Variants in DCAKD observed in about 807,000 individuals in gnomAD.
DCAKD encodes dephospho-CoA kinase domain-containing protein.
DCAKD carries 15 observed loss-of-function variants against 18.7 expected under a neutral mutation model. That is an observed-to-expected ratio of 0.80 (90% confidence interval 0.54 to 1.24). The LOEUF is 1.24. Ranked by LOEUF, DCAKD falls within the 50% of genes most tolerant of loss-of-function variation. The pLI is 0.00. For synonymous variants in DCAKD, 130 were observed against 133.0 expected, an observed-to-expected ratio of 0.98 and a Z score of 0.16; for missense variants, 301 against 322.0, an observed-to-expected ratio of 0.93 and a Z score of 0.50.
At chr17:45,044,426 T>C (rs1002204799) in intron 1 of DCAKD, among the ~76,000 whole-genome samples, 4 of 152,210 alleles carry the variant, frequency 2.6e-5, no homozygotes, top group African/African-American at 9.7e-5. Flanking sequence ...GTGCGGTGGC[T>C]GACGCCTGTA....
At chr17:45,056,430 A>G (rs1469610688), upstream of DCAKD, among the ~76,000 whole-genome samples, 4 of 152,058 alleles carry the variant, frequency 2.6e-5, no homozygotes, top group Admixed American at 2.6e-4. Flanking sequence ...CAGAGCCAGG[A>G]TTTAGAACCC....
At position 45,033,723 on chromosome 17, in the gene DCAKD, C is replaced by A. The variant is rs141065762; in HGVS notation, c.316+464G>T. 6.0e-3 allele frequency: 2,617 copies of A among 438,548 alleles called. 77 individuals are homozygous for A. Among genetic ancestry groups the A allele is most frequent in the African/African-American group, 0.051 (2,420 of 47,168 alleles). The allele number at this position is 438,548 out of a possible 1,614,324, so 27.2% of individuals were successfully genotyped here. A position where few individuals can be genotyped will look rare whatever the true frequency, so the allele number is the denominator to read the frequency against. On this transcript the variant is annotated intron_variant, in intron 3 of 4. Coordinates refer to ENST00000651974, the MANE Select transcript of DCAKD (RefSeq NM_001288655.2). The stretch of plus-strand genomic sequence containing the variant: ...CAAGTGATCTGCCTGCCTCGGCCTC[C>A]CAAAGTGCTGGGATTACAGGCATGA...
At chr17:45,052,312 C>G (rs375901239), upstream of DCAKD, among the ~76,000 whole-genome samples, 164 of 152,296 alleles carry the variant, frequency 1.1e-3, no homozygotes, top group African/African-American at 3.7e-3. Flanking sequence ...CAGAGGTGAT[C>G]ATGAGCACTT....
intron 1 of DCAKD, 96 bp downstream of exon 1, chr17:45,051,265 C>G (rs2053688040): frequency 6.6e-6 from 1 of 152,230 alleles, no homozygotes; most frequent in African/African-American, 2.4e-5. Context: ...AGCTGTAAAC[C>G]TTCCTGCGCG....
At position 45,034,381 on chromosome 17, in the gene DCAKD, G is replaced by A. The variant is rs751840593; in HGVS notation, c.122C>T (p.Pro41Leu). The change falls in exon 3 of 5, where the codon CCA becomes CTA. Residue 41 changes from proline to leucine, a missense_variant. Transcript: ENST00000651974. Reference protein sequence around the residue: ...VDVMARHVVQPGYPAHRRIVE... With the variant: ...VDVMARHVVQLGYPAHRRIVE... ...GATGCGCCGGTGGGCAGGGTATCCTGGCTGCACGACTGTGGCAGGAGGAAG... is the reference window on the plus strand; with the variant it reads ...GATGCGCCGGTGGGCAGGGTATCCTAGCTGCACGACTGTGGCAGGAGGAAG... 9 of 1,613,746 alleles carry A rather than the reference G, an allele frequency of 5.6e-6. No individual in the cohort carries two copies. The South Asian group carries it at 8.8e-5, about 16-fold the overall frequency.
chr17:45,052,813 T>A (rs906387753), upstream of DCAKD, among the ~76,000 whole-genome samples: 1 of 148,284 alleles, frequency 6.7e-6, no homozygotes, highest in Non-Finnish European at 1.5e-5. Context: ...CAGAGAGCCA[T>A]GATGGTACCA....
intron 1 of DCAKD, among the ~76,000 whole-genome samples, chr17:45,038,291 C>T (rs761702477): frequency 3.9e-5 from 6 of 152,034 alleles, no homozygotes; most frequent in Admixed American, 6.6e-5. Context: ...GTTGGCCAGG[C>T]TGGCTCAAAC....
At chr17:45,038,798 G>A (rs2053363429) in intron 1 of DCAKD, among the ~76,000 whole-genome samples, 1 of 152,108 alleles carries the variant, frequency 6.6e-6, no homozygotes, top group Non-Finnish European at 1.5e-5. Flanking sequence ...GGACAAAGGA[G>A]CACACGCCCA....
rs557464492 is a variant in DCAKD at position 45,049,522 on chromosome 17, A to C, written c.-115+1839T>G. Among the ~76,000 whole-genome samples the C allele has an allele frequency of 1.4e-4, 22 of 152,092 alleles. 1 individual carries two copies. In the South Asian group the frequency reaches 4.6e-3, roughly 32 times the overall value. ...TTTTTTCAAAAGATGAGGGAAATCA[A>C]ATCAAATGGTGTATATTTAGACTTC... On this transcript the variant is annotated intron_variant, in intron 1 of 4. Coordinates refer to ENST00000651974, the MANE Select transcript of DCAKD (RefSeq NM_001288655.2).
At chr17:45,039,162 T>G (rs936590287) in intron 1 of DCAKD, among the ~76,000 whole-genome samples, 2 of 152,134 alleles carry the variant, frequency 1.3e-5, no homozygotes, top group African/African-American at 4.8e-5. Flanking sequence ...CAGCCCACGG[T>G]GCTCCCAAAG....
intron 1 of DCAKD, among the ~76,000 whole-genome samples, chr17:45,048,039 G>A (rs558677888): frequency 6.6e-6 from 1 of 152,212 alleles, no homozygotes; most frequent in Admixed American, 6.5e-5. Flanking sequence ...TTTTAATTTT[G>A]TATGTATTTT....
chr17:45,026,894 G>C (rs778406868), intron 4 of DCAKD: 44 of 912,964 alleles, frequency 4.8e-5, no homozygotes, highest in Non-Finnish European at 5.5e-5. Context: ...CTGAAGGTGT[G>C]GCCCAGACCA....
At chr17:45,042,469 C>T (rs1203175853) in intron 1 of DCAKD, among the ~76,000 whole-genome samples, 1 of 152,230 alleles carries the variant, frequency 6.6e-6, no homozygotes, top group Admixed American at 6.5e-5. Flanking sequence ...GGCTTGCAGC[C>T]CCTGTCCTCC....
Position 45,034,277 on chromosome 17 carries a change from G to A in DCAKD, c.226C>T (p.Gln76Ter), listed in dbSNP as rs2053238840. The change falls in exon 3 of 5, where the codon CAG (glutamine) becomes TAG (stop). Residue 76 changes from glutamine (Q) to a stop codon, truncating the protein, a stop_gained. Transcript: ENST00000651974. LOFTEE classifies it high-confidence loss of function. ...RKVLGDLIFN[Q>*]PDRRQLLNAI... is the part of the protein sequence containing the mutation. ...TTGAGCAGCTGCCGCCGGTCAGGCT[G>A]GTTAAAGATCAGGTCCCCCAGGACC... 2 of 1,614,186 alleles carry A rather than the reference G, an allele frequency of 1.2e-6. No homozygotes were observed. Among genetic ancestry groups the A allele is most frequent in the Non-Finnish European group, 8.5e-7 (1 of 1,180,032 alleles).
At chr17:45,037,529 G>A (rs945491969) in intron 1 of DCAKD, among the ~76,000 whole-genome samples, 1 of 151,870 alleles carries the variant, frequency 6.6e-6, no homozygotes, top group Non-Finnish European at 1.5e-5. Context: ...GCGCATCTCA[G>A]CTCACTGCAA....
chr17:45,038,255 T>C (rs888468122), intron 1 of DCAKD, among the ~76,000 whole-genome samples: 4 of 152,040 alleles, frequency 2.6e-5, no homozygotes, highest in African/African-American at 9.7e-5. Context: ...TTTTTTGTAT[T>C]TTTAGTAGAG....
At chr17:45,045,686 C>G (rs2053550425) in intron 1 of DCAKD, among the ~76,000 whole-genome samples, 1 of 149,014 alleles carries the variant, frequency 6.7e-6, no homozygotes, top group African/African-American at 2.5e-5. Flanking sequence ...GAGCAGAGAT[C>G]GCACCACTGC....
chr17:45,044,743 T>C (rs1041431429), intron 1 of DCAKD, among the ~76,000 whole-genome samples: 1 of 151,496 alleles, frequency 6.6e-6, no homozygotes, highest in African/African-American at 2.4e-5. Flanking sequence ...AAATAAAAGC[T>C]GTGGCAGAAG....
At chr17:45,028,968 G>A (rs2053116796) in intron 4 of DCAKD, among the ~76,000 whole-genome samples, 1 of 152,140 alleles carries the variant, frequency 6.6e-6, no homozygotes, top group African/African-American at 2.4e-5. Flanking sequence ...GCCTCCCAAA[G>A]TGCTGGGATT....
Sources: allele counts gnomAD v4.1 joint callset (sites outside exome capture counted in the v4.1 genomes callset), GRCh38; gene constraint gnomAD v4.1.1; transcripts MANE v1.5; gene names NCBI Gene and HGNC (gene_info 2026-07-23, HGNC 2026-07-21).